Variants in TTN observed in about 807,000 individuals in gnomAD.
TTN encodes the protein titin.
In TTN, 1,525 loss-of-function variants were observed where a neutral mutation model predicts 3,223.0. That is an observed-to-expected ratio of 0.47 (90% CI 0.45 to 0.49). The LOEUF is 0.49. TTN is among the 20% of genes least tolerant of loss of function. The pLI is 0.00. For missense variants in TTN, 40,786 were observed against 43,424.0 expected (o/e 0.94, Z 5.40); for synonymous variants, 14,094 against 15,161.0 (o/e 0.93, Z 5.17).
At chr2:178,730,021 T>TCGCCC in intron 62 of TTN, 72 bp downstream of exon 62, 8 of 1,558,032 alleles carry the variant, frequency 5.1e-6, no homozygotes, top group African/African-American at 1.4e-5. Flanking sequence ...GTCTTAAGCG[T>TCGCCC]CCCCCGCCCC....
chr2:178,764,379 CTTAAT>C (rs944227240), intron 42 of TTN, 77 bp from the exon 43 acceptor site: 1 of 1,612,384 alleles, frequency 6.2e-7, no homozygotes, highest in Non-Finnish European at 8.5e-7. Flanking sequence ...GTAGGTTTAT[CTTAAT>C]TTATTTCACT....
rs768288951 is a variant in TTN, at chr2:178,748,954, A to C, written c.11311+4170T>G. On this transcript the variant is annotated intron_variant, in intron 47 of 362. Transcript: ENST00000589042. ...CAATCTTCTTTTGAGGAGGATTAAC[A>C]ATTGATGTTCTGGTAGGTCTTTTTT... 3.1e-6 allele frequency: 5 copies of C among 1,612,422 alleles called. No individual in the cohort carries two copies. The African/African-American group carries it at 6.7e-5, about 22-fold the overall frequency.
At position 178,728,838 on chromosome 2, in the gene TTN, T is replaced by C. The variant is rs1366964369; in HGVS notation, c.19147+53A>G. 4.1e-5 allele frequency: 64 copies of C among 1,572,786 alleles called. No homozygotes were observed. The South Asian group carries it at 5.2e-4, about 13-fold the overall frequency. ...TGGTAACTCCACTAGAAATAATGTC[T>C]GCTAATGAAACTGTCGCTATAGACT... On this transcript the variant is annotated intron_variant, in intron 65 of 362. Transcript: ENST00000589042.
chr2:178,686,301 T>C (rs565031755), intron 127 of TTN, among the ~76,000 whole-genome samples: 89 of 150,222 alleles, frequency 5.9e-4, no homozygotes, highest in Non-Finnish European at 1.2e-3. Flanking sequence ...TTTGTATTTT[T>C]AGTAGAGACG....
chr2:178,570,922 G>C lies in TTN; in HGVS notation c.75210C>G (p.Gly25070=). ...ACTCATATCTGTGATCTTCAACTAG[G>C]CCAGTTACTTCAAAATGAGTGTCAA... The part of the protein sequence containing the change: ...NIIDTHFEVT[G]LVEDHRYEFR... The change falls in exon 326 of 363, where the codon GGC becomes GGG. Residue 25070 remains glycine, a synonymous_variant. Coordinates refer to ENST00000589042, the MANE Select transcript of TTN (RefSeq NM_001267550.2). 6.2e-7 allele frequency: 1 copy of C among 1,613,502 alleles called. No homozygotes were observed. Among genetic ancestry groups the C allele is most frequent in the East Asian group, 2.2e-5 (1 of 44,824 alleles).
Position 178,652,833 on chromosome 2 carries a change from G to A in TTN, c.38959+15C>T. 6.2e-7 allele frequency: 1 copy of A among 1,600,108 alleles called. No homozygotes were observed. The highest frequency in any genetic ancestry group is 8.5e-7 in the Non-Finnish European group (1 of 1,174,200). On this transcript the variant is annotated intron_variant, in intron 200 of 362. Coordinates refer to ENST00000589042, the MANE Select transcript of TTN (RefSeq NM_001267550.2). ...GGAGTTTGATCTTCTGAAGCCTAAA[G>A]CCAGTGACAAATACCTTTAACAGGA...
In TTN at chr2:178,567,760, A is replaced by C; in HGVS notation, c.78372T>G (p.Ile26124Met). The change falls in exon 326 of 363, where the codon ATT becomes ATG. Residue 26124 changes from isoleucine (I) to methionine (M), a missense_variant. Ile to Met is a conservative substitution (Grantham distance 10, BLOSUM62 1). Coordinates refer to ENST00000589042, the MANE Select transcript of TTN (RefSeq NM_001267550.2). ...YDGGSMITGY[I>M]VEKRDLPDGR... Reference sequence around the variant, plus strand: ...CATCAGGCAAATCACGTTTCTCTACAATGTAGCCTGTAATCATACTTCCAC... The same window carrying C: ...CATCAGGCAAATCACGTTTCTCTACCATGTAGCCTGTAATCATACTTCCAC... The C allele has an allele frequency of 1.9e-6, 3 of 1,613,398 alleles. No individual in the cohort carries two copies. Among genetic ancestry groups the C allele is most frequent in the Non-Finnish European group, 2.5e-6 (3 of 1,179,532 alleles).
Position 178,562,008 on chromosome 2 carries a change from C to T in TTN, c.84124G>A (p.Gly28042Arg). The T allele has an allele frequency of 6.2e-7, 1 of 1,613,454 alleles. No homozygotes were observed. Among genetic ancestry groups the T allele is most frequent in the South Asian group, 1.1e-5 (1 of 91,054 alleles). The change falls in exon 326 of 363, where the codon GGA (glycine) becomes AGA (arginine). Residue 28042 changes from glycine (G) to arginine (R), a missense_variant. Coordinates refer to ENST00000589042, the MANE Select transcript of TTN (RefSeq NM_001267550.2). ...ATAGTAATAGGAACTGTTATGGATC[C>T]AGCACTGTTTGAAACACATAATTCA... ...TYELCVSNSA[G>R]SITVPITIIV... is the part of the protein sequence containing the mutation.
Position 178,571,720 on chromosome 2 carries a change from G to T in TTN, c.74412C>A (p.Ile24804=). 4.3e-6 allele frequency: 7 copies of T among 1,613,410 alleles called. No homozygotes were observed. Among genetic ancestry groups the T allele is most frequent in the Non-Finnish European group, 5.9e-6 (7 of 1,179,560 alleles). ...TTGGAGGCCCTGGTTTGTCAAGAACGATAACATTAAGGGTTTCAATAGCTT... is the reference window on the plus strand; with the variant it reads ...TTGGAGGCCCTGGTTTGTCAAGAACTATAACATTAAGGGTTTCAATAGCTT... The part of the protein sequence containing the change: ...AGEAIETLNV[I]VLDKPGPPTG... The change falls in exon 326 of 363, where the codon ATC becomes ATA. Residue 24804 remains isoleucine, a synonymous_variant. Coordinates refer to ENST00000589042, the MANE Select transcript of TTN (RefSeq NM_001267550.2).
In TTN at chr2:178,603,900, G is replaced by C; in HGVS notation, c.54787C>G (p.Pro18263Ala). Reference protein sequence around the residue: ...GIGPPSEPSDPEVAGDPIFPP... With the variant: ...GIGPPSEPSDAEVAGDPIFPP... ...CATATGGGATCTCCTGCAACCTCTGGATCTGATGGTTCACTGGGAGGACCA... is the reference window on the plus strand; with the variant it reads ...CATATGGGATCTCCTGCAACCTCTGCATCTGATGGTTCACTGGGAGGACCA... The change falls in exon 282 of 363, where the codon CCA (proline) becomes GCA (alanine). Residue 18263 changes from proline (P) to alanine (A), a missense_variant. Pro to Ala is a conservative substitution (Grantham distance 27). Coordinates refer to ENST00000589042, the MANE Select transcript of TTN (RefSeq NM_001267550.2). The C allele has an allele frequency of 6.2e-7, 1 of 1,609,068 alleles. No homozygotes were observed. Among genetic ancestry groups the C allele is most frequent in the Non-Finnish European group, 8.5e-7 (1 of 1,176,446 alleles).
chr2:178,667,632 A>G lies in TTN; in HGVS notation c.35629+6T>C. On this transcript the variant is annotated splice_donor_region_variant and intron_variant, in intron 160 of 362. Coordinates refer to ENST00000589042, the MANE Select transcript of TTN (RefSeq NM_001267550.2). ...TTCTTCAGAGTGGATCATTGGTGTT[A>G]TATACCTTTTGCTAGTTTGGGTTTT... 1 of 1,594,628 alleles carries G rather than the reference A, an allele frequency of 6.3e-7. No individual in the cohort carries two copies. Among genetic ancestry groups the G allele is most frequent in the Non-Finnish European group, 8.5e-7 (1 of 1,177,438 alleles).
chr2:178,610,423 C>G (rs759212466), intron 270 of TTN, 34 bp from the exon 271 acceptor site: 1 of 1,596,692 alleles, frequency 6.3e-7, no homozygotes, highest in African/African-American at 1.4e-5. Flanking sequence ...TCTAGTAATC[C>G]TGAAAAATCA....
rs772469694 is a variant in TTN at position 178,538,711 on chromosome 2, A to T, written c.99118T>A (p.Ser33040Thr). Residue 33040 changes from serine (S) to threonine (T), a missense_variant, in exon 354 of 363, where the codon TCT becomes ACT. Coordinates refer to ENST00000589042, the MANE Select transcript of TTN (RefSeq NM_001267550.2). ...CTCTTCTTCCAGGCACTGTCTCCAG[A>T]CTGTCTATATTCAACCCAGTATCCA... ...ILGYWVEYRQSGDSAWKKSNK... is the reference protein window; with the variant it reads ...ILGYWVEYRQTGDSAWKKSNK... The T allele has an allele frequency of 6.2e-7, 1 of 1,613,712 alleles. No individual in the cohort carries two copies. The highest frequency in any genetic ancestry group is 8.5e-7 in the Non-Finnish European group (1 of 1,179,726).
At chr2:178,651,572 T>A (rs752514179) in intron 206 of TTN, 36 bp from the exon 207 acceptor site, 1 of 1,611,108 alleles carries the variant, frequency 6.2e-7, no homozygotes, top group East Asian at 2.2e-5. Context: ...AAGCTCATGG[T>A]TTCAATGAAA....
chr2:178,608,895 T>C lies in TTN; in HGVS notation c.52116A>G (p.Pro17372=), dbSNP rs1251321375. The C allele has an allele frequency of 6.2e-7, 1 of 1,609,054 alleles. No individual in the cohort carries two copies. The highest frequency in any genetic ancestry group is 2.2e-5 in the East Asian group (1 of 44,700). The change falls in exon 274 of 363, where the codon CCA becomes CCG. Residue 17372 remains proline (P), a synonymous_variant. Transcript: ENST00000589042. ...TATCTTCAAATACAAAGTTGATTGG[T>C]GGTCCCGGTGTATCTAATATTTCAG... ...CTVSVLDTPG[P]PINFVFEDIR... is the part of the protein sequence containing the mutation.
chr2:178,564,537 C>A lies in TTN; in HGVS notation c.81595G>T (p.Gly27199Cys), dbSNP rs771111893. The change falls in exon 326 of 363, where the codon GGT becomes TGT. Residue 27199 changes from glycine to cysteine, a missense_variant. Coordinates refer to ENST00000589042, the MANE Select transcript of TTN (RefSeq NM_001267550.2). ...LKWKKPAYDG[G>C]SKITGYIVEK... Reference sequence around the variant, plus strand: ...ACAATATAACCTGTTATTTTGCTACCACCATCATAGGCAGGTTTCTTCCAT... The same window carrying A: ...ACAATATAACCTGTTATTTTGCTACAACCATCATAGGCAGGTTTCTTCCAT... 1 of 1,613,094 alleles carries A rather than the reference C, an allele frequency of 6.2e-7. No homozygotes were observed. Among genetic ancestry groups the A allele is most frequent in the Non-Finnish European group, 8.5e-7 (1 of 1,179,546 alleles).
At chr2:178,702,795 C>A in intron 106 of TTN, 132 bp from the exon 107 acceptor site, 2 of 900,222 alleles carry the variant, frequency 2.2e-6, no homozygotes, top group Non-Finnish European at 3.2e-6. Flanking sequence ...TTCAAAAATC[C>A]AAAATGAGAA....
intron 326 of TTN, chr2:178,558,918 C>A: frequency 4.5e-6 from 2 of 441,912 alleles, no homozygotes; most frequent in Admixed American, 4.2e-5. Context: ...AAAAGAGGAA[C>A]AAGATGAACA....
At chr2:178,778,756 G>A in intron 24 of TTN, 118 bp downstream of exon 24, 1 of 1,423,356 alleles carries the variant, frequency 7.0e-7, no homozygotes, top group Non-Finnish European at 9.7e-7. Flanking sequence ...GTTGCCAATG[G>A]TAAGTTTCTG....
Sources: gnomAD v4.1 joint callset for allele counts (sites outside exome capture counted in the v4.1 genomes callset) on GRCh38, gnomAD v4.1.1 for gene constraint, MANE v1.5 for transcripts, NCBI Gene and HGNC (gene_info 2026-07-23, HGNC 2026-07-21) for gene names.